The following NUMA1 variants were observed in gnomAD, a reference collection of about 807,000 sequenced individuals.
NUMA1 encodes nuclear mitotic apparatus protein 1.
Under a neutral mutation model 237.1 loss-of-function variants are expected in NUMA1, and 62 were observed. That is an observed-to-expected ratio of 0.26 (90% CI 0.21 to 0.32). NUMA1 has a LOEUF of 0.32. NUMA1 is among the 10% of genes least tolerant of loss of function. The probability of loss-of-function intolerance (pLI) is 1.00; values close to 1 mark genes in which losing one functional copy is unlikely to be tolerated. For missense variants in NUMA1, 2,533 were observed against 2,666.5 expected, an observed-to-expected ratio of 0.95 and a Z score of 1.10; for synonymous variants, 1,028 against 1,066.1, an observed-to-expected ratio of 0.96 and a Z score of 0.70.
intron 20 of NUMA1, chr11:72,008,221 A>G: frequency 2.3e-6 from 1 of 432,204 alleles, no homozygotes; most frequent in Middle Eastern, 3.9e-4. Context: ...AGCTATTAGA[A>G]TAATCTTTTT....
In NUMA1 at chr11:72,013,004, C is replaced by T. The variant is rs757186101; in HGVS notation, c.4499G>A (p.Ser1500Asn). 20 of 1,614,068 alleles carry T rather than the reference C, an allele frequency of 1.2e-5. No homozygotes were observed. The highest frequency in any genetic ancestry group is 1.7e-5 in the Non-Finnish European group (20 of 1,180,048). Reference protein sequence around the residue: ...RLAEVQREAQSTARELEVMTA... With the variant: ...RLAEVQREAQNTARELEVMTA... The stretch of plus-strand genomic sequence containing the variant: ...CATCACCTCCAGCTCCCGGGCAGTG[C>T]TCTGTGCTTCTCGCTGCACCTCAGC... Residue 1500 changes from serine (S) to asparagine (N), a missense_variant, in exon 15 of 27, where the codon AGC (serine) becomes AAC (asparagine). By Grantham distance (46) the Ser-to-Asn change is conservative. Coordinates refer to ENST00000393695, the MANE Select transcript of NUMA1 (RefSeq NM_006185.4). This position sits in a 1 kb window ranked among gnomAD's most constrained non-coding sequence, Gnocchi z 6.8.
At chr11:72,043,939 A>C (rs1941845049) in intron 2 of NUMA1, among the ~76,000 whole-genome samples, 1 of 152,176 alleles carries the variant, frequency 6.6e-6, no homozygotes, top group Non-Finnish European at 1.5e-5. Context: ...ATAAATACAT[A>C]AATAAATGGA....
At chr11:72,023,367 A>C (rs892926265) in intron 5 of NUMA1, among the ~76,000 whole-genome samples, 2 of 152,144 alleles carry the variant, frequency 1.3e-5, no homozygotes, top group Non-Finnish European at 2.9e-5. Flanking sequence ...ATGGAAGAAG[A>C]AAGCAGCCTC....
intron 3 of NUMA1, among the ~76,000 whole-genome samples, chr11:72,035,626 G>C (rs1440189777): frequency 6.6e-6 from 1 of 151,962 alleles, no homozygotes; most frequent in Non-Finnish European, 1.5e-5. Context: ...GGCCAGGCTG[G>C]TCTCGAACTC....
At chr11:72,017,917 C>T in intron 12 of NUMA1, 90 bp from the exon 13 acceptor site, 1 of 1,427,382 alleles carries the variant, frequency 7.0e-7, no homozygotes, top group Non-Finnish European at 9.6e-7. Flanking sequence ...GGGCTGGATG[C>T]CTCCAATTAT....
chr11:72,021,842 G>A (rs963656469), intron 7 of NUMA1, among the ~76,000 whole-genome samples: 13 of 152,098 alleles, frequency 8.5e-5, no homozygotes, highest in Admixed American at 7.9e-4. Flanking sequence ...TTGAACTCCT[G>A]GCCTCAAGCA....
chr11:72,026,464 C>T (rs1939599536), intron 4 of NUMA1, among the ~76,000 whole-genome samples: 2 of 152,250 alleles, frequency 1.3e-5, no homozygotes, highest in Admixed American at 1.3e-4. Context: ...AATGCCTCCA[C>T]TATACTCTGT....
At position 72,049,560 on chromosome 11, in the gene NUMA1, A is replaced by AAATATATATATATATAT. The variant is rs1555034474; in HGVS notation, c.-32-13586_-32-13585insATATATATATATATATT. 2.4e-4 allele frequency: 10 copies of AAATATATATATATATAT among 41,016 alleles called. 1 individual carries two copies. In the East Asian group the frequency reaches 2.7e-3, roughly 11 times the overall value. 2.5% of individuals were successfully genotyped at this position (41,016 alleles called of 1,614,324 possible). ...CCTGTCTAAAAAAAAAAATAATAAT[A>AAATATATATATATATAT]ATATATATATATATATATATATAGT... On this transcript the variant is annotated intron_variant, in intron 2 of 26. Coordinates refer to ENST00000393695, the MANE Select transcript of NUMA1 (RefSeq NM_006185.4).
In NUMA1 at chr11:72,008,670, G is replaced by A; in HGVS notation, c.5216+18C>T. ...GGCACTCCATAAACAGACATAGGGA[G>A]GAAGGCTGCCTCCTGACCTGGTGAT... On this transcript the variant is annotated intron_variant, in intron 20 of 26. Transcript: ENST00000393695. 6.2e-7 allele frequency: 1 copy of A among 1,613,878 alleles called. No homozygotes were observed. Among genetic ancestry groups the A allele is most frequent in the South Asian group, 1.1e-5 (1 of 91,084 alleles).
chr11:72,004,299 G>C lies in NUMA1; in HGVS notation c.6049C>G (p.Arg2017Gly), dbSNP rs763458607. 3.1e-6 allele frequency: 5 copies of C among 1,612,878 alleles called. No individual in the cohort carries two copies. The African/African-American group carries it at 4.0e-5, about 13-fold the overall frequency. Residue 2017 changes from arginine to glycine, a missense_variant, in exon 25 of 27, where the codon CGA becomes GGA. This residue lies in a region of NUMA1 where 795 missense variants were observed against 750.8 expected (regional missense o/e 1.06). Transcript: ENST00000393695. ...TGTTTGCGCCCTTCATGTCGGTCTC[G>C]GGGAGTCATGGGGCGTGGGAAACAG... ...TSCFPRPMTPRDRHEGRKQST... is the reference protein window; with the variant it reads ...TSCFPRPMTPGDRHEGRKQST...
In NUMA1 at chr11:72,015,556, G is replaced by A. The variant is rs1282239811; in HGVS notation, c.1947C>T (p.Ser649=). 1 of 1,613,482 alleles carries A rather than the reference G, an allele frequency of 6.2e-7. No homozygotes were observed. The highest frequency in any genetic ancestry group is 2.2e-5 in the East Asian group (1 of 44,876). Residue 649 remains serine (S), a synonymous_variant, in exon 15 of 27, where the codon AGC becomes AGT. Transcript: ENST00000393695. The surrounding 1 kb of genome is among the most constrained non-coding windows in gnomAD (Gnocchi z 4.0). ...TQAQREKAEL[S]RKVEELQACV... ...AGGCCTGGAGTTCCTCCACCTTCCG[G>A]CTCAGCTCTGCCTTCTCCCGCTGGG...
chr11:72,006,767 G>A (rs942822040), intron 21 of NUMA1, among the ~76,000 whole-genome samples: 2 of 152,246 alleles, frequency 1.3e-5, no homozygotes, highest in South Asian at 2.1e-4. Flanking sequence ...TGTACCAGGG[G>A]CCCCTCTCCC....
At chr11:72,021,510 C>T (rs77646672) in intron 7 of NUMA1, among the ~76,000 whole-genome samples, 1,735 of 152,368 alleles carry the variant, frequency 0.011, 31 homozygotes, top group African/African-American at 0.04. Context: ...TCCCACCTCC[C>T]CTCAAGATGT....
chr11:72,071,643 G>A (rs985937904), intron 1 of NUMA1, among the ~76,000 whole-genome samples: 1 of 152,204 alleles, frequency 6.6e-6, no homozygotes, highest in Non-Finnish European at 1.5e-5. Context: ...TAAGTTTCCT[G>A]AGTGTTAATA....
chr11:72,068,270 C>T (rs1943287918), intron 2 of NUMA1: 1 of 152,214 alleles, frequency 6.6e-6, no homozygotes, highest in South Asian at 2.1e-4. Flanking sequence ...GTTCCCTCAA[C>T]ACACTTGTGT....
At chr11:72,012,535 A>G (rs1393029335) in intron 15 of NUMA1, 93 bp from the exon 16 acceptor site, 2 of 1,211,380 alleles carry the variant, frequency 1.7e-6, no homozygotes, top group Admixed American at 1.9e-5. Context: ...AGGCTCTGAT[A>G]CTTTCCCCTA....
At chr11:72,021,923 TTA>T (rs1419701899) in intron 7 of NUMA1, among the ~76,000 whole-genome samples, 3 of 152,186 alleles carry the variant, frequency 2.0e-5, no homozygotes, top group Non-Finnish European at 4.4e-5. Context: ...CAGGAAGCTT[TTA>T]TATATAACTA....
chr11:72,067,105 T>G (rs1049278473), intron 2 of NUMA1: 1 of 152,194 alleles, frequency 6.6e-6, no homozygotes, highest in Non-Finnish European at 1.5e-5. Context: ...TTAAGAGGTG[T>G]GGATTCTACA....
chr11:72,023,504 A>G (rs565884534), intron 5 of NUMA1, among the ~76,000 whole-genome samples: 125 of 152,358 alleles, frequency 8.2e-4, no homozygotes, highest in African/African-American at 2.2e-3. Flanking sequence ...GAGGTCACAG[A>G]GTAAACCTAT....
Sources: gnomAD v4.1 joint callset for allele counts (sites outside exome capture counted in the v4.1 genomes callset) on GRCh38, gnomAD v4.1.1 for gene constraint, gnomAD v4.1.1 regional missense constraint, Gnocchi (gnomAD v3.1) non-coding constraint, MANE v1.5 for transcripts, NCBI Gene and HGNC (gene_info 2026-07-23, HGNC 2026-07-21) for gene names.